Variants in SLC12A7 observed in about 807,000 individuals in gnomAD.
SLC12A7 encodes the protein K-Cl cotransporter 4.
Under a neutral mutation model 120.6 loss-of-function variants are expected in SLC12A7, and 100 were observed. That is an observed-to-expected ratio of 0.83 (90% CI 0.71 to 0.98). The LOEUF is 0.98. SLC12A7 is among the 50% of genes least tolerant of loss of function. SLC12A7 has a pLI of 0.00. For missense variants in SLC12A7, 1,373 were observed against 1,548.1 expected (o/e 0.89, Z 1.90); for synonymous variants, 760 against 678.0 (o/e 1.12, Z -1.88).
At chr5:1,080,710 C>A (rs1018852692) in intron 9 of SLC12A7, among the ~76,000 whole-genome samples, 1 of 152,172 alleles carries the variant, frequency 6.6e-6, no homozygotes, top group Non-Finnish European at 1.5e-5. Flanking sequence ...CAACCAAGGG[C>A]CCCACCCACC....
chr5:1,111,771 C>A (rs1048077625), intron 1 of SLC12A7, 97 bp downstream of exon 1: 2 of 1,137,140 alleles, frequency 1.8e-6, no homozygotes, highest in Non-Finnish European at 1.1e-6. Context: ...GCCTCCTGTA[C>A]CCCCGGCCCC....
the SLC12A7 span, among the ~76,000 whole-genome samples, chr5:1,136,792 C>T: frequency 1.7e-4 from 25 of 148,836 alleles, no homozygotes; most frequent in African/African-American, 5.0e-4. Context: ...CACCAGGACA[C>T]GCAGGCACAC....
chr5:1,057,680 C>T (rs781223475), intron 21 of SLC12A7, 31 bp from the exon 22 acceptor site: 24 of 1,571,964 alleles, frequency 1.5e-5, no homozygotes, highest in East Asian at 2.2e-5. Context: ...TGAGACCAGC[C>T]GGTCTCAAAA....
intron 3 of SLC12A7, among the ~76,000 whole-genome samples, chr5:1,090,948 G>C (rs909977056): frequency 6.6e-6 from 1 of 152,106 alleles, no homozygotes; most frequent in Non-Finnish European, 1.5e-5. Flanking sequence ...TCTGAGCCTG[G>C]CAAAGAGGAC....
At chr5:1,097,056 A>G (rs1640518027) in intron 1 of SLC12A7, among the ~76,000 whole-genome samples, 1 of 152,092 alleles carries the variant, frequency 6.6e-6, no homozygotes, top group South Asian at 2.1e-4. Context: ...GTGGCTCCGG[A>G]GGCTCAGCCC....
At chr5:1,132,388 C>T in the SLC12A7 span, among the ~76,000 whole-genome samples, 18 of 152,176 alleles carry the variant, frequency 1.2e-4, no homozygotes, top group East Asian at 3.3e-3. Context: ...TGTCCTTGGT[C>T]GGGGAGCCAT....
chr5:1,074,643 G>T lies in SLC12A7; in HGVS notation c.1996C>A (p.Arg666Ser). The T allele has an allele frequency of 1.2e-6, 2 of 1,612,782 alleles. No individual in the cohort carries two copies. Among genetic ancestry groups the T allele is most frequent in the Non-Finnish European group, 1.7e-6 (2 of 1,179,918 alleles). The part of the protein sequence containing the change: ...GAEKEWGDGI[R>S]GLSLNAARYA... ...CGGGCGGCGTTCAGGGATAGGCCACGGATGCCATCGCCCCACTCCTTCTCG... is the reference window on the plus strand; with the variant it reads ...CGGGCGGCGTTCAGGGATAGGCCACTGATGCCATCGCCCCACTCCTTCTCG... Residue 666 changes from arginine to serine, a missense_variant, in exon 16 of 24, where the codon CGT (arginine) becomes AGT (serine). Physicochemically the swap from Arg to Ser is moderately radical, Grantham distance 110. Coordinates refer to ENST00000264930, the MANE Select transcript of SLC12A7 (RefSeq NM_006598.3).
At chr5:1,111,287 CG>C (rs1742979687) in intron 1 of SLC12A7, among the ~76,000 whole-genome samples, 2 of 152,158 alleles carry the variant, frequency 1.3e-5, no homozygotes, top group Admixed American at 6.5e-5. Context: ...ATTCCCGGAA[CG>C]GGGGACGGGA....
At position 1,057,652 on chromosome 5, in the gene SLC12A7, G is replaced by A; in HGVS notation, c.2848-3C>T. On this transcript the variant is annotated splice_region_variant and splice_polypyrimidine_tract_variant and intron_variant, in intron 21 of 23. Coordinates refer to ENST00000264930, the MANE Select transcript of SLC12A7 (RefSeq NM_006598.3). ...TTCCTGTCGTGGATCAGCTGGGCCT[G>A]GCGGGCCCGGGACTTGGTGAGACCA... 3 of 1,593,354 alleles carry A rather than the reference G, an allele frequency of 1.9e-6. No individual in the cohort carries two copies. The highest frequency in any genetic ancestry group is 2.5e-6 in the Non-Finnish European group (3 of 1,176,970).
intron 18 of SLC12A7, among the ~76,000 whole-genome samples, chr5:1,064,661 T>C (rs1023012454): frequency 2.8e-5 from 4 of 141,000 alleles, no homozygotes; most frequent in African/African-American, 1.1e-4. Context: ...GAGGAGACAG[T>C]GAAGGGATAG....
In SLC12A7 at chr5:1,077,953, G is replaced by C. The variant is rs372163383; in HGVS notation, c.1509C>G (p.Ser503=). ...AGGAGCCGATGACGATGACCCAGGG[G>C]GAGGGCCAGGCCAGCATGCCGATGA... ...NLVIGMLAWP[S]PWVIVIGSFF... Residue 503 remains serine, a synonymous_variant, in exon 12 of 24, where the codon TCC becomes TCG. Coordinates refer to ENST00000264930, the MANE Select transcript of SLC12A7 (RefSeq NM_006598.3). The C allele has an allele frequency of 6.2e-7, 1 of 1,600,100 alleles. No homozygotes were observed.
chr5:1,124,640 T>A, the SLC12A7 span, among the ~76,000 whole-genome samples: 1 of 151,474 alleles, frequency 6.6e-6, no homozygotes, highest in South Asian at 2.1e-4. Context: ...CATTGAACAC[T>A]CAGCGCCCAG....
intron 8 of SLC12A7, among the ~76,000 whole-genome samples, 169 bp from the exon 9 acceptor site, chr5:1,081,913 G>A (rs925385524): frequency 6.6e-6 from 1 of 152,268 alleles, no homozygotes; most frequent in Non-Finnish European, 1.5e-5. Flanking sequence ...TGGTACCTCT[G>A]GGAAAGCTGC....
chr5:1,051,450 ACT>A lies in SLC12A7; in HGVS notation c.*908_*909del, dbSNP rs1479756662. On this transcript the variant is annotated 3_prime_UTR_variant, in exon 24 of 24. Coordinates refer to ENST00000264930, the MANE Select transcript of SLC12A7 (RefSeq NM_006598.3). ...GGGCTGTCGGGGGAACTCACTGTTC[ACT>A]CTGCGCGCGTGTGCCCCTGGGTTTC... The A allele has an allele frequency of 6.5e-6, 1 of 153,170 alleles. No homozygotes were observed. Among genetic ancestry groups the A allele is most frequent in the African/African-American group, 2.4e-5 (1 of 41,472 alleles). The allele number at this position is 153,170 out of a possible 1,614,324, so 9.5% of individuals were successfully genotyped here. A position where few individuals can be genotyped will look rare whatever the true frequency, so the allele number is the denominator to read the frequency against.
chr5:1,138,197 G>GA, the SLC12A7 span, among the ~76,000 whole-genome samples: 2 of 151,896 alleles, frequency 1.3e-5, no homozygotes, highest in African/African-American at 2.4e-5. Flanking sequence ...GGGAAAAGCG[G>GA]AAAAAAACAC....
chr5:1,061,057 CGCCGCACCCGCCGCACCT>C (rs1316342459), intron 20 of SLC12A7, among the ~76,000 whole-genome samples: 2 of 123,266 alleles, frequency 1.6e-5, no homozygotes, highest in African/African-American at 6.6e-5. Context: ...GAGTCTCACC[CGCCGCACCCGCCGCACCT>C]GCCGCATCCG....
At chr5:1,120,486 C>T in the SLC12A7 span, among the ~76,000 whole-genome samples, 1 of 152,258 alleles carries the variant, frequency 6.6e-6, no homozygotes, top group Non-Finnish European at 1.5e-5. Context: ...GTGTGCTGGC[C>T]AGATGCTCAC....
the SLC12A7 span, among the ~76,000 whole-genome samples, chr5:1,154,792 C>T: frequency 2.0e-5 from 3 of 152,250 alleles, no homozygotes; most frequent in Admixed American, 6.5e-5. Context: ...GCCTCATCCC[C>T]GGCCCCTCAC....
intron 1 of SLC12A7, among the ~76,000 whole-genome samples, chr5:1,103,650 T>C (rs2150903916): frequency 6.6e-6 from 1 of 152,188 alleles, no homozygotes; most frequent in Admixed American, 6.5e-5. Context: ...CACCCGCACA[T>C]ACACGTGTAC....
Sources: allele counts gnomAD v4.1 joint callset (sites outside exome capture counted in the v4.1 genomes callset), GRCh38; gene constraint gnomAD v4.1.1; transcripts MANE v1.5; gene names NCBI Gene and HGNC (gene_info 2026-07-23, HGNC 2026-07-21).